Variants in PFKFB2 observed in about 807,000 individuals in gnomAD.
The protein encoded by PFKFB2 is 6-phosphofructo-2-kinase/fructose-2,6-bisphosphatase 2.
Under a neutral mutation model 68.0 loss-of-function variants are expected in PFKFB2, and 53 were observed. The ratio of observed to expected loss-of-function variants is 0.78; its 90% CI spans 0.63 to 0.98. The LOEUF is 0.98. Ranked by LOEUF, PFKFB2 falls within the 50% of genes least tolerant of loss-of-function variation. PFKFB2 has a pLI of 0.00. For synonymous variants in PFKFB2, 222 were observed against 227.6 expected (o/e 0.98, Z 0.22); for missense variants, 451 against 642.0 (o/e 0.70, Z 3.22).
At chr1:207,035,662 CA>C (rs1682360954) in intron 1 of PFKFB2, among the ~76,000 whole-genome samples, 1 of 146,216 alleles carries the variant, frequency 6.8e-6, no homozygotes, top group Admixed American at 6.7e-5. Context: ...TAAAAACAAA[CA>C]AACAAACAAA....
upstream of PFKFB2, chr1:207,048,980 T>C (rs747914529): frequency 9.0e-6 from 14 of 1,563,358 alleles, no homozygotes; most frequent in South Asian, 1.6e-4. Context: ...GCCTTCTGGA[T>C]GTGTGAGGTA....
rs770529561 is a variant in PFKFB2, at chr1:207,077,550, G to A, written c.*5179G>A. The A allele has an allele frequency of 1.8e-4, 173 of 985,718 alleles. No homozygotes were observed. Among genetic ancestry groups the A allele is most frequent in the Non-Finnish European group, 2.1e-4 (171 of 829,956 alleles). The allele number at this position is 985,718 out of a possible 1,614,324, so 61.1% of individuals were successfully genotyped here. On this transcript the variant is annotated 3_prime_UTR_variant, in exon 15 of 15. Coordinates refer to ENST00000367080, the MANE Select transcript of PFKFB2 (RefSeq NM_006212.2). ...ATACATGGTGCCCTTTGGGAAGGGG[G>A]ATGGTGTGGGGCTGAGCACCTCTGG...
rs77757597 is a variant in PFKFB2 at position 207,073,731 on chromosome 1, G to T, written c.*1360G>T. The stretch of plus-strand genomic sequence containing the variant: ...TCTGTCATTTCATTTTCTTTGTAGG[G>T]TTAAACAGAAAATGTTTAGGGAAGA... On this transcript the variant is annotated 3_prime_UTR_variant, in exon 15 of 15. Coordinates refer to ENST00000367080, the MANE Select transcript of PFKFB2 (RefSeq NM_006212.2). 0.047 allele frequency: 45,996 copies of T among 984,510 alleles called. 1,193 individuals carry two copies. The highest frequency in any genetic ancestry group is 0.09 in the Admixed American group (1,463 of 16,264). The allele number at this position is 984,510 out of a possible 1,614,324, so 61.0% of individuals were successfully genotyped here. A position where few individuals can be genotyped will look rare whatever the true frequency, so the allele number is the denominator to read the frequency against.
Position 207,073,772 on chromosome 1 carries a change from G to C in PFKFB2, c.*1401G>C. ...TTAGGGAAGAAATTCTTAGCCCCTT[G>C]ATGACCATGATGGCTTATTCTCTTT... On this transcript the variant is annotated 3_prime_UTR_variant, in exon 15 of 15. Transcript: ENST00000367080. 1 of 984,744 alleles carries C rather than the reference G, an allele frequency of 1.0e-6. No homozygotes were observed. The highest frequency in any genetic ancestry group is 4.7e-5 in the South Asian group (1 of 21,274). The allele number at this position is 984,744 out of a possible 1,614,324, so 61.0% of individuals were successfully genotyped here.
intron 2 of PFKFB2, chr1:207,045,931 A>G (rs1215920544): frequency 6.6e-6 from 1 of 152,110 alleles, no homozygotes; most frequent in Non-Finnish European, 1.5e-5. Context: ...GACTATGCTA[A>G]TTTCATGGGA....
At chr1:207,071,043 G>A in intron 12 of PFKFB2, 145 bp from the exon 13 acceptor site, 1 of 665,292 alleles carries the variant, frequency 1.5e-6, no homozygotes, top group South Asian at 1.8e-5. Flanking sequence ...TTGTGGTCTG[G>A]GGTTTAAGGG....
chr1:207,037,687 TTGAG>T (rs1161748926), intron 1 of PFKFB2, among the ~76,000 whole-genome samples: 2 of 152,232 alleles, frequency 1.3e-5, no homozygotes, highest in African/African-American at 2.4e-5. Context: ...TACCAGTTGA[TTGAG>T]TAAATATTAT....
At chr1:207,035,111 T>C (rs1682351485) in intron 1 of PFKFB2, 1 of 963,446 alleles carries the variant, frequency 1.0e-6, no homozygotes, top group Non-Finnish European at 1.2e-6. Context: ...AGTATGTAAA[T>C]GCCTGTTTGA....
At position 207,071,511 on chromosome 1, in the gene PFKFB2, T is replaced by G; in HGVS notation, c.1288T>G (p.Cys430Gly). Residue 430 changes from cysteine (C) to glycine (G), a missense_variant and splice_region_variant, in exon 14 of 15, where the codon TGC (cysteine) becomes GGC (glycine). Cys to Gly is a radical substitution (Grantham distance 159, BLOSUM62 -3). Transcript: ENST00000367080. ...CTCTCTTTCCTCTGTTTTCTCAGGG[T>G]GCAAAGTGGAAACAATTAAACTTAA... Reference protein sequence around the residue: ...IFKLTPVAYGCKVETIKLNVE... With the variant: ...IFKLTPVAYGGKVETIKLNVE... 6.2e-7 allele frequency: 1 copy of G among 1,612,966 alleles called. No homozygotes were observed. The highest frequency in any genetic ancestry group is 8.5e-7 in the Non-Finnish European group (1 of 1,179,016).
rs1296490915 is a variant in PFKFB2, at chr1:207,074,220, A to G, written c.*1849A>G. The G allele has an allele frequency of 2.0e-6, 2 of 985,382 alleles. No homozygotes were observed. The highest frequency in any genetic ancestry group is 1.7e-5 in the African/African-American group (1 of 57,354). 61.0% of individuals were successfully genotyped at this position (985,382 alleles called of 1,614,324 possible). A position where few individuals can be genotyped will look rare whatever the true frequency, so the allele number is the denominator to read the frequency against. On this transcript the variant is annotated 3_prime_UTR_variant, in exon 15 of 15. Transcript: ENST00000367080. The stretch of plus-strand genomic sequence containing the variant: ...ATACTGGATAGTAGTTTCTCAGACA[A>G]AAGTGTCAGCCTAGGAATTCTGAAT...
upstream of PFKFB2, chr1:207,052,063 T>C: frequency 1.3e-6 from 1 of 778,274 alleles, no homozygotes; most frequent in Non-Finnish European, 2.2e-6. Context: ...TCCATACTCA[T>C]TGTTCTTTAT....
At chr1:207,037,875 T>C (rs983484298) in intron 1 of PFKFB2, among the ~76,000 whole-genome samples, 1 of 152,228 alleles carries the variant, frequency 6.6e-6, no homozygotes, top group Non-Finnish European at 1.5e-5. Context: ...ATGATAATAA[T>C]AGCACATAAC....
intron 2 of PFKFB2, among the ~76,000 whole-genome samples, chr1:207,061,477 C>G (rs1683115148): frequency 6.6e-6 from 1 of 151,992 alleles, no homozygotes; most frequent in African/African-American, 2.4e-5. Context: ...TTTCAGGAGG[C>G]CTGCCTGATA....
intron 3 of PFKFB2, 150 bp from the exon 4 acceptor site, chr1:207,062,468 CTT>C (rs997890687): frequency 1.4e-5 from 18 of 1,244,440 alleles, no homozygotes; most frequent in Non-Finnish European, 1.9e-5. Context: ...GAACCCAACT[CTT>C]TTGACTCTTA....
chr1:207,035,101 A>C, intron 1 of PFKFB2: 1 of 921,986 alleles, frequency 1.1e-6, no homozygotes, highest in Non-Finnish European at 1.3e-6. Context: ...CATTGCTCTT[A>C]GTATGTAAAT....
chr1:207,068,110 G>GTGTGTGTGTGTGTGTC (rs751494160), intron 9 of PFKFB2, 53 bp from the exon 10 acceptor site: 1 of 1,448,412 alleles, frequency 6.9e-7, no homozygotes, highest in African/African-American at 1.4e-5. Context: ...GTGTGTGTGT[G>GTGTGTGTGTGTGTGTC]TGTGTGTCTG....
chr1:207,052,595 G>T (rs1312884807), upstream of PFKFB2, among the ~76,000 whole-genome samples: 1 of 152,088 alleles, frequency 6.6e-6, no homozygotes, highest in Non-Finnish European at 1.5e-5. Context: ...CAAAAGTTGC[G>T]GTGCCAAGGT....
chr1:207,035,674 C>CAAAA (rs577038375), intron 1 of PFKFB2, among the ~76,000 whole-genome samples: 1 of 149,698 alleles, frequency 6.7e-6, no homozygotes, highest in African/African-American at 2.5e-5. Flanking sequence ...AACAAACAAA[C>CAAAA]AAAAAAAACA....
intron 1 of PFKFB2, among the ~76,000 whole-genome samples, chr1:207,041,231 T>A (rs6681069): frequency 7.0e-6 from 1 of 142,252 alleles, no homozygotes; most frequent in African/African-American, 2.6e-5. Flanking sequence ...CCTGGCCAGA[T>A]TTTTTTTTTT....
Sources: allele counts gnomAD v4.1 joint callset (sites outside exome capture counted in the v4.1 genomes callset), GRCh38; gene constraint gnomAD v4.1.1; transcripts MANE v1.5; gene names NCBI Gene and HGNC (gene_info 2026-07-23, HGNC 2026-07-21).